The following TMEM178B variants were observed in gnomAD, a reference collection of about 807,000 sequenced individuals.
The protein encoded by TMEM178B is transmembrane protein 178B.
TMEM178B carries 5 observed loss-of-function variants against 31.0 expected under a neutral mutation model. The ratio of observed to expected loss-of-function variants is 0.16; its 90% CI spans 0.08 to 0.34. TMEM178B has a LOEUF of 0.34. Among genes scored for constraint, TMEM178B ranks in the 10% least tolerant of loss-of-function variants. The pLI, the probability that TMEM178B is intolerant of heterozygous loss-of-function variation, is 1.00. For synonymous variants in TMEM178B, 164 were observed against 164.0 expected (o/e 1.00, Z 0.00); for missense variants, 275 against 400.3 (o/e 0.69, Z 2.67).
intron 1 of TMEM178B, among the ~76,000 whole-genome samples, chr7:141,104,072 G>A (rs964171561): frequency 6.6e-6 from 1 of 152,190 alleles, no homozygotes; most frequent in African/African-American, 2.4e-5. Context: ...CATTTTCAGA[G>A]TGACCAGTTA....
chr7:141,297,814 C>T (rs902723609), intron 2 of TMEM178B, among the ~76,000 whole-genome samples: 3 of 152,160 alleles, frequency 2.0e-5, no homozygotes, highest in Admixed American at 1.3e-4. Flanking sequence ...CTGCAATAAA[C>T]GTACGTGTGC....
chr7:141,093,734 C>A (rs763953281), intron 1 of TMEM178B, among the ~76,000 whole-genome samples: 29 of 152,166 alleles, frequency 1.9e-4, no homozygotes, highest in Non-Finnish European at 3.4e-4. Flanking sequence ...GGAAAGTGTG[C>A]TGTCCTAGAA....
At chr7:141,231,720 G>T (rs773966182) in intron 2 of TMEM178B, among the ~76,000 whole-genome samples, 2 of 152,180 alleles carry the variant, frequency 1.3e-5, no homozygotes, top group Non-Finnish European at 2.9e-5. Context: ...GTTCTCCCAC[G>T]GTCAACTAGC....
At chr7:141,267,649 T>C (rs1299182351) in intron 2 of TMEM178B, among the ~76,000 whole-genome samples, 1 of 152,242 alleles carries the variant, frequency 6.6e-6, no homozygotes, top group Non-Finnish European at 1.5e-5. Context: ...TACCAAGCCT[T>C]GTGTGCTTCA....
intron 1 of TMEM178B, among the ~76,000 whole-genome samples, chr7:141,208,456 C>A (rs918431154): frequency 1.3e-5 from 2 of 152,220 alleles, no homozygotes; most frequent in Non-Finnish European, 2.9e-5. Context: ...CCAGATGGTT[C>A]CTGTATTTAC....
intron 3 of TMEM178B, among the ~76,000 whole-genome samples, chr7:141,454,065 C>A (rs187727290): frequency 6.6e-6 from 1 of 152,064 alleles, no homozygotes; most frequent in African/African-American, 2.4e-5. Flanking sequence ...CTAAGAATCT[C>A]TTCTTGAAGT....
chr7:141,079,650 C>T lies in TMEM178B; in HGVS notation c.382+4958C>T, dbSNP rs189419108. Among the ~76,000 whole-genome samples, 397 of 152,262 alleles carry T rather than the reference C, an allele frequency of 2.6e-3. 1 individual carries two copies. Among genetic ancestry groups the T allele is most frequent in the Non-Finnish European group, 4.4e-3 (300 of 68,008 alleles). On this transcript the variant is annotated intron_variant, in intron 1 of 3. Transcript: ENST00000565468. Reference sequence around the variant, plus strand: ...CATCAACTCACAGAATTCTCACAAGCTTCTCCCTTCTTCCCTCCTGCCCTC... The same window carrying T: ...CATCAACTCACAGAATTCTCACAAGTTTCTCCCTTCTTCCCTCCTGCCCTC...
intron 3 of TMEM178B, among the ~76,000 whole-genome samples, chr7:141,444,305 C>T (rs1191748868): frequency 1.3e-5 from 2 of 152,070 alleles, no homozygotes; most frequent in Non-Finnish European, 2.9e-5. Context: ...TCACTAATGT[C>T]GGGAACAATG....
At chr7:141,155,158 CAG>C (rs994885056) in intron 1 of TMEM178B, among the ~76,000 whole-genome samples, 25 of 152,108 alleles carry the variant, frequency 1.6e-4, no homozygotes, top group African/African-American at 5.1e-4. Context: ...GGGCTGAAAA[CAG>C]GGGACAGGTG....
chr7:141,338,027 T>A (rs150366442), intron 2 of TMEM178B, among the ~76,000 whole-genome samples: 1 of 152,090 alleles, frequency 6.6e-6, no homozygotes, highest in Non-Finnish European at 1.5e-5. Flanking sequence ...TTAGTAGAGA[T>A]GGGGTTTCAC....
At chr7:141,168,771 CA>C (rs199539576) in intron 1 of TMEM178B, among the ~76,000 whole-genome samples, 1 of 147,166 alleles carries the variant, frequency 6.8e-6, no homozygotes, top group Non-Finnish European at 1.5e-5. Flanking sequence ...CTCTGTCCCC[CA>C]AAAAAAAAGA....
At chr7:141,448,249 CTT>C (rs1185878452) in intron 3 of TMEM178B, among the ~76,000 whole-genome samples, 4 of 152,060 alleles carry the variant, frequency 2.6e-5, no homozygotes, top group Non-Finnish European at 5.9e-5. Flanking sequence ...CCTTGAAAAA[CTT>C]TGGCAGGGCC....
In TMEM178B at chr7:141,437,678, C is replaced by T. The variant is rs1244198804; in HGVS notation, c.567C>T (p.Gly189=). 22 of 1,536,166 alleles carry T rather than the reference C, an allele frequency of 1.4e-5. No homozygotes were observed. Among genetic ancestry groups the T allele is most frequent in the Middle Eastern group, 3.3e-4 (2 of 5,990 alleles). The change falls in exon 3 of 4, where the codon GGC becomes GGT. Residue 189 remains glycine, a synonymous_variant. Coordinates refer to ENST00000565468, the MANE Select transcript of TMEM178B (RefSeq NM_001195278.2). The part of the protein sequence containing the change: ...VAIILFGWII[G]VLGCCWDRGL... The stretch of plus-strand genomic sequence containing the variant: ...TCATCCTCTTTGGCTGGATCATCGG[C>T]GTGCTGGGCTGCTGCTGGGACCGAG...
chr7:141,337,730 T>C (rs907797080), intron 2 of TMEM178B, among the ~76,000 whole-genome samples: 1 of 152,264 alleles, frequency 6.6e-6, no homozygotes, highest in Non-Finnish European at 1.5e-5. Context: ...GCATACTTTG[T>C]CATTTTGACA....
At chr7:141,462,942 A>G (rs1802083784) in intron 3 of TMEM178B, among the ~76,000 whole-genome samples, 1 of 152,246 alleles carries the variant, frequency 6.6e-6, no homozygotes, top group East Asian at 1.9e-4. Flanking sequence ...CAGTCATCAA[A>G]GGAAGCATGT....
At position 141,375,995 on chromosome 7, in the gene TMEM178B, G is replaced by A. The variant is rs986267617; in HGVS notation, c.497-61613G>A. On this transcript the variant is annotated intron_variant, in intron 2 of 3. Coordinates refer to ENST00000565468, the MANE Select transcript of TMEM178B (RefSeq NM_001195278.2). ...CTAAGGCAAGATGACCCTAAGTTGT[G>A]CCAGTCCTTTGGGGACCTATCTTAA... Among the ~76,000 whole-genome samples the A allele has an allele frequency of 3.9e-5, 6 of 152,334 alleles. No homozygotes were observed. In the South Asian group the frequency reaches 1.2e-3, roughly 32 times the overall value.
At chr7:141,300,557 G>A (rs904529259) in intron 2 of TMEM178B, among the ~76,000 whole-genome samples, 11 of 152,136 alleles carry the variant, frequency 7.2e-5, no homozygotes, top group Non-Finnish European at 1.0e-4. Context: ...TCTCCTCTCC[G>A]CGAGCTTGGA....
chr7:141,426,901 A>G (rs1801327983), intron 2 of TMEM178B, among the ~76,000 whole-genome samples: 1 of 152,164 alleles, frequency 6.6e-6, no homozygotes, highest in Non-Finnish European at 1.5e-5. Context: ...ACATACAAAA[A>G]CCAGTAGCAT....
At chr7:141,097,294 G>A (rs1400557924) in intron 1 of TMEM178B, among the ~76,000 whole-genome samples, 10 of 148,472 alleles carry the variant, frequency 6.7e-5, no homozygotes, top group Non-Finnish European at 3.0e-5. Flanking sequence ...GCGTGAACCC[G>A]GGAGGAGTTT....
Sources: allele counts gnomAD v4.1 joint callset (sites outside exome capture counted in the v4.1 genomes callset), GRCh38; gene constraint gnomAD v4.1.1; transcripts MANE v1.5; gene names NCBI Gene and HGNC (gene_info 2026-07-23, HGNC 2026-07-21).